The following STX6 variants were observed in gnomAD, a reference collection of about 807,000 sequenced individuals.
STX6 encodes syntaxin 6.
A neutral mutation model predicts 38.0 loss-of-function variants in STX6; 23 were observed. That is an observed-to-expected ratio of 0.60 (90% CI 0.43 to 0.86). The LOEUF (loss-of-function observed/expected upper bound fraction) is 0.86, where lower values mean the gene tolerates loss of function less well. Among genes scored for constraint, STX6 ranks in the 40% least tolerant of loss-of-function variants. The pLI, the probability that STX6 is intolerant of heterozygous loss-of-function variation, is 0.00. For synonymous variants in STX6, 123 were observed against 107.5 expected (o/e 1.14, Z -0.89); for missense variants, 274 against 312.9 (o/e 0.88, Z 0.94).
chr1:180,976,480 T>A lies in STX6; in HGVS notation c.*90A>T, dbSNP rs944812265. On this transcript the variant is annotated 3_prime_UTR_variant, in exon 8 of 8. Coordinates refer to ENST00000258301, the MANE Select transcript of STX6 (RefSeq NM_005819.6). ...CAGCAGTATGTTTCCAGGATAGGAA[T>A]GTGAGTAGACGGCAATGTCACACGT... 5.4e-6 allele frequency: 6 copies of A among 1,109,388 alleles called. No homozygotes were observed. The South Asian group carries it at 7.6e-5, about 14-fold the overall frequency. 68.7% of individuals were successfully genotyped at this position (1,109,388 alleles called of 1,614,324 possible).
intron 3 of STX6, among the ~76,000 whole-genome samples, chr1:180,999,669 A>AAC (rs1239430254): frequency 6.6e-6 from 1 of 151,722 alleles, no homozygotes; most frequent in East Asian, 1.9e-4. Context: ...AAGAAAAAAA[A>AAC]AACCACAAAA....
intron 1 of STX6, among the ~76,000 whole-genome samples, chr1:181,010,781 A>T (rs1656368655): frequency 6.6e-6 from 1 of 152,194 alleles, no homozygotes. Context: ...AAATGTCAAC[A>T]TGGTGAAAAA....
rs575401269 is a variant in STX6, at chr1:181,014,549, T to C, written c.35+8090A>G. 3.9e-5 allele frequency among the ~76,000 whole-genome samples: 6 copies of C among 152,260 alleles called. No homozygotes were observed. In the South Asian group the frequency reaches 1.2e-3, roughly 32 times the overall value. The stretch of plus-strand genomic sequence containing the variant: ...TACAGAGGGATCCCCATTTCATCAA[T>C]ACAGTAAAAGAGGCTAGTCAAGGCT... On this transcript the variant is annotated intron_variant, in intron 1 of 7. Transcript: ENST00000258301.
chr1:181,006,567 T>C (rs541267239), intron 1 of STX6, among the ~76,000 whole-genome samples: 1 of 152,156 alleles, frequency 6.6e-6, no homozygotes, highest in South Asian at 2.1e-4. Flanking sequence ...TGGTCTCTCA[T>C]GTTCAAAGAT....
rs190838101 is a variant in STX6, at chr1:180,979,840, T to G, written c.692-3194A>C. On this transcript the variant is annotated intron_variant, in intron 7 of 7. Coordinates refer to ENST00000258301, the MANE Select transcript of STX6 (RefSeq NM_005819.6). The stretch of plus-strand genomic sequence containing the variant: ...CAGAATGTATTATACAAAGAATTTT[T>G]AAAACTCACCAGTATGAAAACTAAC... Among the ~76,000 whole-genome samples the G allele has an allele frequency of 3.6e-5, 5 of 136,988 alleles. No homozygotes were observed. In the Admixed American group the frequency reaches 3.9e-4, roughly 11 times the overall value. 89.9% of individuals were successfully genotyped at this position (136,988 alleles called of 152,430 possible). A position where few individuals can be genotyped will look rare whatever the true frequency, so the allele number is the denominator to read the frequency against.
intron 4 of STX6, among the ~76,000 whole-genome samples, chr1:180,993,036 G>A (rs866633014): frequency 6.6e-6 from 1 of 152,070 alleles, no homozygotes; most frequent in African/African-American, 2.4e-5. Flanking sequence ...CAAAGAGCCT[G>A]GCACACAAAA....
chr1:181,022,825 AGGACGGCCGCTGGTC>A lies in STX6; in HGVS notation c.-167_-153del. 2 of 702,364 alleles carry A rather than the reference AGGACGGCCGCTGGTC, an allele frequency of 2.8e-6. No homozygotes were observed. The allele number at this position is 702,364 out of a possible 1,614,324, so 43.5% of individuals were successfully genotyped here. The stretch of plus-strand genomic sequence containing the variant: ...GGGCACGCGCACAGGCCAGGTGCAC[AGGACGGCCGCTGGTC>A]CAGCACTCGCTCAGCACCACTGGCC... On this transcript the variant is annotated 5_prime_UTR_variant, in exon 1 of 8. Coordinates refer to ENST00000258301, the MANE Select transcript of STX6 (RefSeq NM_005819.6).
In STX6 at chr1:181,007,710, T is replaced by G. The variant is rs115887193; in HGVS notation, c.36-2247A>C. Among the ~76,000 whole-genome samples, 1,461 of 152,312 alleles carry G rather than the reference T, an allele frequency of 9.6e-3. 24 individuals are homozygous for G. Among genetic ancestry groups the G allele is most frequent in the African/African-American group, 0.034 (1,403 of 41,560 alleles). ...AACTTTTTTGGTCTCAGGAGACTCC[T>G]TTGAACTCTTCAAAATTACTGAAGA... On this transcript the variant is annotated intron_variant, in intron 1 of 7. Coordinates refer to ENST00000258301, the MANE Select transcript of STX6 (RefSeq NM_005819.6).
intron 1 of STX6, among the ~76,000 whole-genome samples, chr1:181,012,914 T>C (rs1656448284): frequency 6.6e-6 from 1 of 152,120 alleles, no homozygotes; most frequent in African/African-American, 2.4e-5. Flanking sequence ...CTTCAGGTGA[T>C]CCACCCACAT....
Position 181,018,628 on chromosome 1 carries a change from C to T in STX6, c.35+4011G>A, listed in dbSNP as rs184152375. 4.6e-5 allele frequency among the ~76,000 whole-genome samples: 7 copies of T among 151,862 alleles called. No homozygotes were observed. In the East Asian group the frequency reaches 1.4e-3, roughly 29 times the overall value. On this transcript the variant is annotated intron_variant, in intron 1 of 7. Coordinates refer to ENST00000258301, the MANE Select transcript of STX6 (RefSeq NM_005819.6). ...ACTTCATAAGGATAAAAGAGCAATC[C>T]CTGTTGTGGGATTCTGTTCCGAACA...
intron 3 of STX6, among the ~76,000 whole-genome samples, chr1:181,001,363 A>T (rs1656074305): frequency 6.6e-6 from 1 of 152,242 alleles, no homozygotes; most frequent in Non-Finnish European, 1.5e-5. Flanking sequence ...ATGCTAATCA[A>T]ATGGCTTAGC....
At position 181,000,577 on chromosome 1, in the gene STX6, G is replaced by A. The variant is rs189954281; in HGVS notation, c.300+2029C>T. Among the ~76,000 whole-genome samples, 533 of 152,240 alleles carry A rather than the reference G, an allele frequency of 3.5e-3. 4 individuals carry two copies. Among genetic ancestry groups the A allele is most frequent in the African/African-American group, 0.012 (508 of 41,558 alleles). ...TCCTTTGACACATGGGGATTATGGG[G>A]ATTACAATTCAAGATGAGATTTTGG... On this transcript the variant is annotated intron_variant, in intron 3 of 7. Coordinates refer to ENST00000258301, the MANE Select transcript of STX6 (RefSeq NM_005819.6).
intron 1 of STX6, among the ~76,000 whole-genome samples, chr1:181,014,540 T>G (rs918015882): frequency 1.3e-5 from 2 of 152,232 alleles, no homozygotes; most frequent in African/African-American, 2.4e-5. Context: ...GGGATCCCCA[T>G]TTCATCAATA....
intron 3 of STX6, among the ~76,000 whole-genome samples, chr1:180,993,706 A>G (rs1655819956): frequency 6.6e-6 from 1 of 152,196 alleles, no homozygotes; most frequent in South Asian, 2.1e-4. Context: ...TGCTAAACAC[A>G]TACACACATT....
At chr1:181,009,643 C>T (rs1485444812) in intron 1 of STX6, among the ~76,000 whole-genome samples, 1 of 152,086 alleles carries the variant, frequency 6.6e-6, no homozygotes, top group Non-Finnish European at 1.5e-5. Context: ...AATGACAATG[C>T]AACATGCTGG....
At chr1:181,015,220 C>T (rs1027228142) in intron 1 of STX6, among the ~76,000 whole-genome samples, 1 of 152,212 alleles carries the variant, frequency 6.6e-6, no homozygotes, top group African/African-American at 2.4e-5. Flanking sequence ...ATACTTCCAA[C>T]CCTAACCACT....
rs568845471 is a variant in STX6, at chr1:180,995,326, G to A, written c.301-1901C>T. Among the ~76,000 whole-genome samples, 5 of 152,192 alleles carry A rather than the reference G, an allele frequency of 3.3e-5. No homozygotes were observed. The East Asian group carries it at 9.6e-4, about 29-fold the overall frequency. On this transcript the variant is annotated intron_variant, in intron 3 of 7. Coordinates refer to ENST00000258301, the MANE Select transcript of STX6 (RefSeq NM_005819.6). ...GACCTACGAAGTCAGACTCTTGACGGCACATTTTTAACAAGCCCCCTCCCC... is the reference window on the plus strand; with the variant it reads ...GACCTACGAAGTCAGACTCTTGACGACACATTTTTAACAAGCCCCCTCCCC...
chr1:180,985,020 G>C (rs184224320), intron 6 of STX6, among the ~76,000 whole-genome samples: 78 of 152,292 alleles, frequency 5.1e-4, no homozygotes, highest in African/African-American at 1.8e-3. Flanking sequence ...ACACCACCAG[G>C]AGGGTCTGGG....
At chr1:181,018,918 T>A (rs1017674590) in intron 1 of STX6, among the ~76,000 whole-genome samples, 1 of 152,230 alleles carries the variant, frequency 6.6e-6, no homozygotes, top group South Asian at 2.1e-4. Flanking sequence ...CTGGGAAGTA[T>A]TGACAGTAGT....
Sources: allele counts gnomAD v4.1 joint callset (sites outside exome capture counted in the v4.1 genomes callset), GRCh38; gene constraint gnomAD v4.1.1; transcripts MANE v1.5; gene names NCBI Gene and HGNC (gene_info 2026-07-23, HGNC 2026-07-21).